MECOM: variants seen among roughly 807,000 people sequenced by gnomAD.
MECOM encodes histone-lysine N-methyltransferase MECOM.
In MECOM, 13 loss-of-function variants were observed where a neutral mutation model predicts 116.3. That is an observed-to-expected ratio of 0.11 (90% CI 0.07 to 0.18). The LOEUF (loss-of-function observed/expected upper bound fraction) is 0.18. Among genes scored for constraint, MECOM ranks in the 10% least tolerant of loss-of-function variants. The pLI is 1.00. For missense variants in MECOM, 1,299 were observed against 1,509.0 expected (o/e 0.86, Z 2.31); for synonymous variants, 528 against 535.2 (o/e 0.99, Z 0.19).
intron 1 of MECOM, among the ~76,000 whole-genome samples, chr3:169,430,288 T>C (rs997056587): frequency 2.6e-5 from 4 of 152,132 alleles, no homozygotes; most frequent in African/African-American, 9.7e-5. Flanking sequence ...CTATGTTATA[T>C]CAAAAATTAA....
At chr3:169,378,462 CAAGCAAGCAAGCAAGAAA>C (rs1449339956) in intron 2 of MECOM, among the ~76,000 whole-genome samples, 4 of 39,214 alleles carry the variant, frequency 1.0e-4, no homozygotes, top group African/African-American at 5.7e-4. Flanking sequence ...GGAAAGCAAG[CAAGCAAGCAAGCAAGAAA>C]GAGAGAGAGA....
At chr3:169,285,875 C>T (rs1228034797) in intron 2 of MECOM, among the ~76,000 whole-genome samples, 1 of 152,284 alleles carries the variant, frequency 6.6e-6, no homozygotes, top group East Asian at 1.9e-4. Flanking sequence ...AATGATGATG[C>T]TGTTAACTAC....
chr3:169,121,249 T>G (rs748835664), intron 6 of MECOM, 40 bp from the exon 7 acceptor site: 34 of 1,542,138 alleles, frequency 2.2e-5, no homozygotes, highest in Non-Finnish European at 2.9e-5. Flanking sequence ...GAAACTTAAC[T>G]CAAGGGCACA....
rs142436749 is a variant in MECOM, at chr3:169,375,312, A to G, written c.375+5875T>C. 7.5e-3 allele frequency among the ~76,000 whole-genome samples: 1,135 copies of G among 152,240 alleles called. 10 individuals are homozygous for G. The highest frequency in any genetic ancestry group is 0.013 in the Non-Finnish European group (858 of 68,000). ...TTCAAAAGCTAGCAGAAGACAAGAA[A>G]TAATCTAAGATCAGAGCACAACTGA... On this transcript the variant is annotated intron_variant, in intron 2 of 16. Coordinates refer to ENST00000651503, the MANE Select transcript of MECOM (RefSeq NM_004991.4).
At chr3:169,320,250 A>G (rs1325634160) in intron 2 of MECOM, among the ~76,000 whole-genome samples, 1 of 152,206 alleles carries the variant, frequency 6.6e-6, no homozygotes, top group East Asian at 1.9e-4. Context: ...TAGGAGAAAC[A>G]TATGTCATCC....
At chr3:169,123,756 A>T (rs1007478784) in intron 5 of MECOM, among the ~76,000 whole-genome samples, 1 of 152,088 alleles carries the variant, frequency 6.6e-6, no homozygotes, top group Non-Finnish European at 1.5e-5. Flanking sequence ...CAATTTATAG[A>T]TAATATCCAA....
intron 1 of MECOM, among the ~76,000 whole-genome samples, chr3:169,596,357 A>G (rs1767141334): frequency 6.6e-6 from 1 of 152,208 alleles, no homozygotes; most frequent in Non-Finnish European, 1.5e-5. Flanking sequence ...GCGGTGATGG[A>G]TAACCCTTGA....
chr3:169,100,101 C>CTTTTTTTTTTTTTTTTTTT (rs869032341), intron 12 of MECOM, among the ~76,000 whole-genome samples: 2 of 50,632 alleles, frequency 4.0e-5, no homozygotes, highest in Non-Finnish European at 7.1e-5. Flanking sequence ...TTCTTTCTTT[C>CTTTTTTTTTTTTTTTTTTT]TTTTTTTTTT....
chr3:169,632,527 A>G (rs947403408), intron 1 of MECOM, among the ~76,000 whole-genome samples: 3 of 152,216 alleles, frequency 2.0e-5, no homozygotes, highest in East Asian at 1.9e-4. Flanking sequence ...TATTTTACAC[A>G]TGGGCTAACT....
At chr3:169,395,222 G>A (rs1044831574) in intron 1 of MECOM, among the ~76,000 whole-genome samples, 1 of 152,126 alleles carries the variant, frequency 6.6e-6, no homozygotes, top group African/African-American at 2.4e-5. Flanking sequence ...GGGAGCATGG[G>A]TGCCTGTTTC....
At chr3:169,225,722 G>A (rs1451697218) in intron 2 of MECOM, among the ~76,000 whole-genome samples, 5 of 152,196 alleles carry the variant, frequency 3.3e-5, no homozygotes, top group African/African-American at 9.7e-5. Flanking sequence ...TGATTCTTCT[G>A]CCTCAGCCTC....
intron 1 of MECOM, among the ~76,000 whole-genome samples, chr3:169,584,326 G>A (rs1236277639): frequency 6.6e-6 from 1 of 151,940 alleles, no homozygotes; most frequent in African/African-American, 2.4e-5. Context: ...AGCACTTTGG[G>A]AGGCCGGGGC....
At chr3:169,648,160 A>C (rs1315070890) in intron 1 of MECOM, among the ~76,000 whole-genome samples, 2 of 152,252 alleles carry the variant, frequency 1.3e-5, no homozygotes, top group Non-Finnish European at 2.9e-5. Flanking sequence ...CAAATGTCAC[A>C]TTCTACAAGT....
chr3:169,214,770 C>T lies in MECOM; in HGVS notation c.376-70938G>A, dbSNP rs1014631657. 2.7e-5 allele frequency among the ~76,000 whole-genome samples: 4 copies of T among 149,308 alleles called. No homozygotes were observed. In the East Asian group the frequency reaches 5.8e-4, roughly 22 times the overall value. Reference sequence around the variant, plus strand: ...TTTTCTACCATTAACATAAATAAGTCTTTAGGTTTTCAGAAAAAAAAGTTC... The same window carrying T: ...TTTTCTACCATTAACATAAATAAGTTTTTAGGTTTTCAGAAAAAAAAGTTC... On this transcript the variant is annotated intron_variant, in intron 2 of 16. Coordinates refer to ENST00000651503, the MANE Select transcript of MECOM (RefSeq NM_004991.4).
At chr3:169,146,341 G>A in intron 2 of MECOM, 1 of 1,319,674 alleles carries the variant, frequency 7.6e-7, no homozygotes, top group Non-Finnish European at 9.9e-7. Context: ...AAGTCGCGTG[G>A]CCAGTGCCAG....
chr3:169,195,294 C>A (rs1395328991), intron 2 of MECOM, among the ~76,000 whole-genome samples: 1 of 152,030 alleles, frequency 6.6e-6, no homozygotes, highest in Non-Finnish European at 1.5e-5. Context: ...AGAGCTGATG[C>A]CCAACAGGGC....
intron 1 of MECOM, among the ~76,000 whole-genome samples, chr3:169,633,653 T>C (rs867350774): frequency 6.6e-6 from 1 of 151,922 alleles, no homozygotes; most frequent in African/African-American, 2.4e-5. Context: ...GGAAAGGTGG[T>C]CTCCAAGCAT....
At chr3:169,097,868 G>T (rs1414448194) in intron 12 of MECOM, among the ~76,000 whole-genome samples, 1 of 142,136 alleles carries the variant, frequency 7.0e-6, no homozygotes, top group Non-Finnish European at 1.5e-5. Flanking sequence ...AGGAGCTTGT[G>T]GTCTACTGGT....
chr3:169,562,204 T>C (rs1194322827), intron 1 of MECOM, among the ~76,000 whole-genome samples: 1 of 97,656 alleles, frequency 1.0e-5, no homozygotes, highest in African/African-American at 3.6e-5. Context: ...AAAGAAACAA[T>C]GAGCACCTAA....
Sources: allele counts gnomAD v4.1 joint callset (sites outside exome capture counted in the v4.1 genomes callset), GRCh38; gene constraint gnomAD v4.1.1; transcripts MANE v1.5; gene names NCBI Gene and HGNC (gene_info 2026-07-23, HGNC 2026-07-21).